CNIH3: variants seen among roughly 807,000 people sequenced by gnomAD.
CNIH3 encodes the protein cornichon family AMPA receptor auxiliary protein 3.
Under a neutral mutation model 24.1 loss-of-function variants are expected in CNIH3, and 14 were observed. The ratio of observed to expected loss-of-function variants is 0.58; its 90% CI spans 0.38 to 0.91. The LOEUF (loss-of-function observed/expected upper bound fraction) is 0.91. Ranked by LOEUF, CNIH3 falls within the 40% of genes least tolerant of loss-of-function variation. The pLI is 0.00. For missense variants in CNIH3, 178 were observed against 196.8 expected, an observed-to-expected ratio of 0.90 and a Z score of 0.57; for synonymous variants, 68 against 73.8, an observed-to-expected ratio of 0.92 and a Z score of 0.40.
intron 2 of CNIH3, among the ~76,000 whole-genome samples, chr1:224,543,662 G>T (rs1679598209): frequency 6.6e-6 from 1 of 152,144 alleles, no homozygotes; most frequent in Non-Finnish European, 1.5e-5. Context: ...TAAAACAAGT[G>T]TTCACAATGG....
intron 1 of CNIH3, among the ~76,000 whole-genome samples, chr1:224,455,440 A>G (rs1257779446): frequency 3.3e-5 from 5 of 152,200 alleles, no homozygotes; most frequent in African/African-American, 1.2e-4. Context: ...GGCCTAATGA[A>G]GTAGAACTTG....
intron 1 of CNIH3, among the ~76,000 whole-genome samples, chr1:224,627,418 G>A (rs1683592208): frequency 6.6e-6 from 1 of 152,144 alleles, no homozygotes; most frequent in Non-Finnish European, 1.5e-5. Flanking sequence ...TAGAGACGGG[G>A]TTTCACCATG....
chr1:224,449,488 C>A (rs1479841535), intron 1 of CNIH3, among the ~76,000 whole-genome samples: 1 of 151,930 alleles, frequency 6.6e-6, no homozygotes, highest in African/African-American at 2.4e-5. Flanking sequence ...GTCACTGCTA[C>A]CAAAATTACT....
intron 3 of CNIH3, among the ~76,000 whole-genome samples, chr1:224,609,696 C>G (rs1682595408): frequency 6.6e-6 from 1 of 152,158 alleles, no homozygotes; most frequent in African/African-American, 2.4e-5. Flanking sequence ...GTCAGATTTT[C>G]CTGTGGGCAG....
At chr1:224,623,335 T>C (rs1286575485) in intron 1 of CNIH3, among the ~76,000 whole-genome samples, 1 of 152,206 alleles carries the variant, frequency 6.6e-6, no homozygotes, top group East Asian at 1.9e-4. Flanking sequence ...TGCTGCGTCC[T>C]CTGTTTCCTG....
chr1:224,635,424 TAAAG>T (rs1232290642), intron 1 of CNIH3, among the ~76,000 whole-genome samples: 1 of 152,322 alleles, frequency 6.6e-6, no homozygotes, highest in South Asian at 2.1e-4. Flanking sequence ...ATGAGTTTCT[TAAAG>T]AAGCCAAATA....
At chr1:224,623,833 CA>C (rs1444114662) in intron 1 of CNIH3, among the ~76,000 whole-genome samples, 4 of 152,180 alleles carry the variant, frequency 2.6e-5, no homozygotes, top group Non-Finnish European at 5.9e-5. Context: ...CTGCCCTTCG[CA>C]GGTCCACCCG....
In CNIH3 at chr1:224,458,855, AGGC is replaced by A. The variant is rs1675788609; in HGVS notation, n.203+23994_203+23996del. On this transcript the variant is annotated intron_variant and non_coding_transcript_variant, in intron 1 of 5. Transcript: ENST00000471578. The surrounding 1 kb of genome is among the most constrained non-coding windows in gnomAD (Gnocchi z 4.3). Reference sequence around the variant, plus strand: ...TGCCTGTTTGGTCCACAGTTAGGAGAGGCCCTGCTTGCACTTCTAATACAGTCC... The same window carrying A: ...TGCCTGTTTGGTCCACAGTTAGGAGACCTGCTTGCACTTCTAATACAGTCC... Among the ~76,000 whole-genome samples, 1 of 152,176 alleles carries A rather than the reference AGGC, an allele frequency of 6.6e-6. No individual in the cohort carries two copies. Among genetic ancestry groups the A allele is most frequent in the Admixed American group, 6.5e-5 (1 of 15,280 alleles).
At chr1:224,626,721 C>A (rs926580857) in intron 1 of CNIH3, among the ~76,000 whole-genome samples, 2 of 152,158 alleles carry the variant, frequency 1.3e-5, no homozygotes, top group Non-Finnish European at 2.9e-5. Context: ...CCTATTACAA[C>A]ATAGCATTGA....
chr1:224,598,129 T>A (rs1196034239), intron 3 of CNIH3, among the ~76,000 whole-genome samples: 1 of 152,198 alleles, frequency 6.6e-6, no homozygotes, highest in African/African-American at 2.4e-5. Context: ...GTGTAATTCA[T>A]GTGAGGAGGC....
intron 1 of CNIH3, chr1:224,459,141 A>G: frequency 2.2e-6 from 2 of 890,976 alleles, no homozygotes; most frequent in Non-Finnish European, 2.7e-6. Context: ...TTTATCTTCT[A>G]GGACATCCAG....
chr1:224,563,049 G>C (rs1680438261), intron 3 of CNIH3, among the ~76,000 whole-genome samples: 1 of 152,128 alleles, frequency 6.6e-6, no homozygotes, highest in Non-Finnish European at 1.5e-5. Context: ...CCACTCCTAG[G>C]TATGGAAGTG....
At chr1:224,674,748 G>T (rs1686052939) in intron 1 of CNIH3, among the ~76,000 whole-genome samples, 1 of 151,986 alleles carries the variant, frequency 6.6e-6, no homozygotes, top group South Asian at 2.1e-4. Context: ...TTCTCTGTTT[G>T]TAGCTGCCCT....
At chr1:224,493,880 C>T (rs1677331151) in intron 1 of CNIH3, among the ~76,000 whole-genome samples, 1 of 152,108 alleles carries the variant, frequency 6.6e-6, no homozygotes, top group Admixed American at 6.6e-5. Flanking sequence ...AGCCCAGAGT[C>T]CCGTCATTAA....
intron 3 of CNIH3, chr1:224,719,182 A>T (rs2125218858): frequency 6.6e-6 from 1 of 152,380 alleles, no homozygotes; most frequent in Admixed American, 6.5e-5. Context: ...GAACAATTTT[A>T]TGGAGAGAGA....
intron 1 of CNIH3, among the ~76,000 whole-genome samples, chr1:224,493,391 T>C (rs901136033): frequency 6.6e-6 from 1 of 152,152 alleles, no homozygotes; most frequent in Non-Finnish European, 1.5e-5. Context: ...TGTGTGTGTG[T>C]GTTAATAGGT....
chr1:224,514,112 G>A (rs2124900175), upstream of CNIH3, among the ~76,000 whole-genome samples: 1 of 152,296 alleles, frequency 6.6e-6, no homozygotes, highest in Admixed American at 6.5e-5. Context: ...AACAGCAGCA[G>A]AAACTGTCAT....
chr1:224,579,500 C>T (rs140718322), intron 4 of CNIH3, among the ~76,000 whole-genome samples: 1,650 of 152,304 alleles, frequency 0.011, 13 homozygotes, highest in Non-Finnish European at 0.016. Context: ...GAAGGCTCCT[C>T]CAGTGTTCCA....
intron 1 of CNIH3, among the ~76,000 whole-genome samples, chr1:224,482,591 T>C (rs1676859032): frequency 6.6e-6 from 1 of 151,966 alleles, no homozygotes; most frequent in Non-Finnish European, 1.5e-5. Context: ...CCTATCTTTC[T>C]GTAGCTGTGC....
Sources: gnomAD v4.1 joint callset for allele counts (sites outside exome capture counted in the v4.1 genomes callset) on GRCh38, gnomAD v4.1.1 for gene constraint, Gnocchi (gnomAD v3.1) non-coding constraint, MANE v1.5 for transcripts, NCBI Gene and HGNC (gene_info 2026-07-23, HGNC 2026-07-21) for gene names.